Variants in ATXN7 observed in about 807,000 individuals in gnomAD.
ATXN7 encodes the protein ataxin-7.
ATXN7 carries 12 observed loss-of-function variants against 70.5 expected under a neutral mutation model. The ratio of observed to expected loss-of-function variants is 0.17; its 90% CI spans 0.11 to 0.28. The LOEUF is 0.28. ATXN7 is among the 10% of genes least tolerant of loss of function. ATXN7 has a pLI of 1.00. For synonymous variants in ATXN7, 498 were observed against 448.7 expected, an observed-to-expected ratio of 1.11 and a Z score of -1.39; for missense variants, 1,256 against 1,131.7, an observed-to-expected ratio of 1.11 and a Z score of -1.58.
Position 63,990,354 on chromosome 3 carries a change from C to T in ATXN7, c.1540C>T (p.His514Tyr), listed in dbSNP as rs368344624. The T allele has an allele frequency of 2.2e-5, 36 of 1,614,082 alleles. No homozygotes were observed. Among genetic ancestry groups the T allele is most frequent in the Non-Finnish European group, 2.9e-5 (34 of 1,180,046 alleles). ...AAAACTGGACTGTCATTATTCAGGT[C>T]ATCATCCTCAGCCAGCATCTGTAAG... ...VEKLDCHYSG[H>Y]HPQPASFCTF... Residue 514 changes from histidine (H) to tyrosine (Y), a missense_variant, in exon 10 of 13, where the codon CAT becomes TAT. By Grantham distance (83) the His-to-Tyr change is moderately conservative. Coordinates refer to ENST00000674280, the MANE Select transcript of ATXN7 (RefSeq NM_001377405.1).
intron 4 of ATXN7, among the ~76,000 whole-genome samples, chr3:63,946,754 T>C (rs1171871521): frequency 1.3e-5 from 2 of 151,880 alleles, no homozygotes; most frequent in African/African-American, 4.8e-5. Context: ...GGGACCAGAA[T>C]GCTAGGTAGG....
At chr3:63,942,465 C>T (rs969341387) in intron 4 of ATXN7, among the ~76,000 whole-genome samples, 2 of 152,130 alleles carry the variant, frequency 1.3e-5, no homozygotes, top group African/African-American at 4.8e-5. Context: ...ATCAACACTT[C>T]GCAGGGTTTT....
At chr3:63,967,975 G>A (rs1241428264) in intron 5 of ATXN7, 1 of 1,535,452 alleles carries the variant, frequency 6.5e-7, no homozygotes, top group Admixed American at 2.0e-5. Context: ...AGCTCCACTG[G>A]GTAAGTTTTC....
chr3:63,939,366 G>A (rs116731468), intron 4 of ATXN7, among the ~76,000 whole-genome samples: 117 of 152,240 alleles, frequency 7.7e-4, no homozygotes, highest in African/African-American at 2.7e-3. Context: ...CTTTCACCCT[G>A]TACTGCTGCA....
intron 1 of ATXN7, among the ~76,000 whole-genome samples, chr3:63,882,797 CAATT>C (rs1235181052): frequency 1.3e-5 from 2 of 151,914 alleles, no homozygotes; most frequent in Non-Finnish European, 2.9e-5. Flanking sequence ...GTAAAACTGG[CAATT>C]AAAAAAGGCA....
intron 5 of ATXN7, among the ~76,000 whole-genome samples, chr3:63,961,193 A>G (rs1296638013): frequency 6.6e-6 from 1 of 152,172 alleles, no homozygotes; most frequent in East Asian, 1.9e-4. Flanking sequence ...TTCCCCTCAC[A>G]TAAAAAAAAG....
intron 12 of ATXN7, chr3:63,998,018 T>C: frequency 1.0e-6 from 1 of 985,390 alleles, no homozygotes; most frequent in Non-Finnish European, 1.2e-6. Flanking sequence ...CAGTCCAATA[T>C]AAACACAGAA....
intron 2 of ATXN7, among the ~76,000 whole-genome samples, chr3:63,907,251 G>T (rs1703866134): frequency 6.6e-6 from 1 of 152,176 alleles, no homozygotes; most frequent in Non-Finnish European, 1.5e-5. Flanking sequence ...AGCCTGGGCA[G>T]ATAGGCCCTA....
rs2075608790 is a variant in ATXN7, at chr3:63,988,119, T to C, written c.1156T>C (p.Leu386=). ...QGRRKRFDVL[L]AEHKNKTREK... ...TAGAAGAAAACGATTTGATGTGTTA[T>C]TAGCCGAGCACAAAAACAAAACCAG... The change falls in exon 9 of 13, where the codon TTA becomes CTA. Residue 386 remains leucine (L), a synonymous_variant. Transcript: ENST00000674280. 6.2e-7 allele frequency: 1 copy of C among 1,614,110 alleles called. No homozygotes were observed. Among genetic ancestry groups the C allele is most frequent in the Non-Finnish European group, 8.5e-7 (1 of 1,180,026 alleles).
chr3:63,947,338 C>T (rs1575935555), intron 4 of ATXN7, among the ~76,000 whole-genome samples: 1 of 152,254 alleles, frequency 6.6e-6, no homozygotes, highest in Non-Finnish European at 1.5e-5. Flanking sequence ...GTAATCTCAG[C>T]ACTTTGGGAG....
intron 8 of ATXN7, 45 bp downstream of exon 8, chr3:63,983,066 G>C (rs1336986453): frequency 6.8e-6 from 10 of 1,464,388 alleles, no homozygotes; most frequent in Non-Finnish European, 9.6e-6. Context: ...TGATAAACAT[G>C]GGTGACTGGG....
chr3:63,952,316 C>G, intron 4 of ATXN7, 63 bp from the exon 5 acceptor site: 1 of 1,296,278 alleles, frequency 7.7e-7, no homozygotes, highest in Non-Finnish European at 1.1e-6. Flanking sequence ...AAGTAGTTTC[C>G]CAAAATGGTT....
intron 5 of ATXN7, among the ~76,000 whole-genome samples, chr3:63,960,389 C>T (rs1182279008): frequency 2.6e-5 from 4 of 152,100 alleles, no homozygotes; most frequent in Non-Finnish European, 5.9e-5. Flanking sequence ...AATGGGAAGT[C>T]GCTGGAGGGT....
At chr3:63,880,684 T>A (rs1702882131) in intron 1 of ATXN7, among the ~76,000 whole-genome samples, 1 of 152,182 alleles carries the variant, frequency 6.6e-6, no homozygotes, top group Non-Finnish European at 1.5e-5. Context: ...CCTTTTTGCC[T>A]CCTTTAAATG....
chr3:63,959,626 CTT>C (rs1409871666), intron 5 of ATXN7, among the ~76,000 whole-genome samples: 15 of 151,490 alleles, frequency 9.9e-5, no homozygotes, highest in Admixed American at 5.9e-4. Context: ...TTTCAGATAA[CTT>C]AAGTAGCATT....
chr3:63,902,033 T>C (rs1163601978), intron 2 of ATXN7: 2 of 151,798 alleles, frequency 1.3e-5, no homozygotes, highest in African/African-American at 2.4e-5. Context: ...CCTTTTGGAG[T>C]GATGAAAATG....
chr3:63,897,988 C>T (rs751215844), intron 1 of ATXN7, among the ~76,000 whole-genome samples: 3 of 152,106 alleles, frequency 2.0e-5, no homozygotes, highest in Admixed American at 6.5e-5. Flanking sequence ...TGATAAAGAA[C>T]GACAGCTTGA....
At chr3:63,947,947 A>G (rs2074890389) in intron 4 of ATXN7, among the ~76,000 whole-genome samples, 1 of 152,130 alleles carries the variant, frequency 6.6e-6, no homozygotes, top group South Asian at 2.1e-4. Context: ...AGGGAAGTGC[A>G]GGTATATCTG....
rs75878523 is a variant in ATXN7, at chr3:63,982,482, A to G, written c.1012+37A>G. The G allele has an allele frequency of 4.0e-4, 604 of 1,511,040 alleles. 2 individuals are homozygous for G. The African/African-American group carries it at 7.2e-3, about 18-fold the overall frequency. The allele number at this position is 1,511,040 out of a possible 1,614,324, so 93.6% of individuals were successfully genotyped here. ...TTTTCTTTCTTCATAATGCTTCTCT[A>G]TATATTAAATGGGCATTCGTGGGGA... On this transcript the variant is annotated intron_variant, in intron 7 of 12. Coordinates refer to ENST00000674280, the MANE Select transcript of ATXN7 (RefSeq NM_001377405.1).
Sources: gnomAD v4.1 joint callset for allele counts (sites outside exome capture counted in the v4.1 genomes callset) on GRCh38, gnomAD v4.1.1 for gene constraint, MANE v1.5 for transcripts, NCBI Gene and HGNC (gene_info 2026-07-23, HGNC 2026-07-21) for gene names.